BTBD8: variants seen among roughly 807,000 people sequenced by gnomAD.
The protein encoded by BTBD8 is BTB/POZ domain-containing protein 8.
Under a neutral mutation model 162.9 loss-of-function variants are expected in BTBD8, and 110 were observed. The observed-to-expected ratio is 0.68, with a 90% confidence interval of 0.58 to 0.79. The LOEUF is 0.79. Among genes scored for constraint, BTBD8 ranks in the 30% least tolerant of loss-of-function variants. The probability of loss-of-function intolerance (pLI) is 0.00; values close to 1 mark genes in which losing one functional copy is unlikely to be tolerated. For synonymous variants in BTBD8, 667 were observed against 716.1 expected (o/e 0.93, Z 1.10); for missense variants, 1,905 against 2,085.4 (o/e 0.91, Z 1.68).
intron 5 of BTBD8, among the ~76,000 whole-genome samples, chr1:92,130,030 C>T (rs1054927609): frequency 8.5e-5 from 13 of 152,146 alleles, no homozygotes; most frequent in Admixed American, 2.6e-4. Context: ...TATTTTCTCA[C>T]GGTTCTGGAA....
intron 6 of BTBD8, among the ~76,000 whole-genome samples, chr1:92,140,108 CAAA>C (rs66840540): frequency 1.3e-4 from 14 of 109,364 alleles, no homozygotes; most frequent in Admixed American, 3.8e-4. Context: ...GACTCTGTCT[CAAA>C]AAAAAAAAAA....
At position 92,181,666 on chromosome 1, in the gene BTBD8, A is replaced by G. The variant is rs560389; in HGVS notation, c.3983A>G (p.Asn1328Ser). Residue 1328 changes from asparagine to serine, a missense_variant, in exon 17 of 18, where the codon AAT becomes AGT. Around this residue, in one of 3 missense-constraint regions of BTBD8, gnomAD observed 517 missense variants for 606.6 expected, o/e 0.85. Transcript: ENST00000636805. ...RIEVKMKKQS[N>S]NDLFQVNSTS... The stretch of plus-strand genomic sequence containing the variant: ...GAAGTAAAAATGAAAAAGCAAAGTA[A>G]TAATGATCTTTTCCAAGTTAATTCA... 1,070,336 of 1,550,854 alleles carry G rather than the reference A, an allele frequency of 0.69. 374,717 individuals are homozygous for G. Among genetic ancestry groups the G allele is most frequent in the East Asian group, 0.96 (39,393 of 40,906 alleles).
chr1:92,127,027 T>TG (rs1649377352), intron 4 of BTBD8, among the ~76,000 whole-genome samples: 1 of 152,198 alleles, frequency 6.6e-6, no homozygotes. Context: ...TCAGTGGGTA[T>TG]GATAAGTTTA....
chr1:92,148,341 T>G (rs569823491), intron 9 of BTBD8, among the ~76,000 whole-genome samples: 1 of 152,310 alleles, frequency 6.6e-6, no homozygotes, highest in South Asian at 2.1e-4. Flanking sequence ...CCACACAGCA[T>G]CACTTCTGAA....
chr1:92,081,986 A>G (rs1208141087), intron 1 of BTBD8, among the ~76,000 whole-genome samples: 2 of 152,220 alleles, frequency 1.3e-5, no homozygotes, highest in Non-Finnish European at 2.9e-5. Flanking sequence ...ATTTGGGACT[A>G]TCTACTGGGG....
At chr1:92,169,045 A>G (rs1557463201) in intron 12 of BTBD8, 50 bp downstream of exon 12, 2 of 1,445,194 alleles carry the variant, frequency 1.4e-6, no homozygotes, top group South Asian at 1.4e-5. Flanking sequence ...TCATTGTGAC[A>G]GCAGATATTT....
rs772168565 is a variant in BTBD8 at position 92,177,288 on chromosome 1, A to T, written c.2095A>T (p.Asn699Tyr). The change falls in exon 14 of 18, where the codon AAC (asparagine) becomes TAC (tyrosine). Residue 699 changes from asparagine to tyrosine, a missense_variant. Asn to Tyr is a moderately radical substitution (Grantham distance 143). Transcript: ENST00000636805. ...SGARPKVLTG[N>Y]LNVQAKAKPL... is the part of the protein sequence containing the mutation. The stretch of plus-strand genomic sequence containing the variant: ...TGCCAGACCCAAGGTACTCACAGGA[A>T]ACTTAAATGTGCAAGCCAAAGCAAA... 8.4e-6 allele frequency: 13 copies of T among 1,551,976 alleles called. No individual in the cohort carries two copies. The highest frequency in any genetic ancestry group is 1.0e-5 in the Non-Finnish European group (12 of 1,147,098).
Position 92,080,351 on chromosome 1 carries a change from G to T in BTBD8, c.-221G>T. On this transcript the variant is annotated 5_prime_UTR_variant, in exon 1 of 18. Transcript: ENST00000636805. ...GAGTACGCCTGCGCACGCTCTTCCT[G>T]GGTCAAGAGCCGGCTCGGTTCTGGG... 1 of 608,498 alleles carries T rather than the reference G, an allele frequency of 1.6e-6. No homozygotes were observed. Among genetic ancestry groups the T allele is most frequent in the Non-Finnish European group, 2.7e-6 (1 of 369,308 alleles). 37.7% of individuals were successfully genotyped at this position (608,498 alleles called of 1,614,324 possible). A position where few individuals can be genotyped will look rare whatever the true frequency, so the allele number is the denominator to read the frequency against.
At position 92,177,038 on chromosome 1, in the gene BTBD8, A is replaced by G. The variant is rs186114233; in HGVS notation, c.1845A>G (p.Ile615Met). The G allele has an allele frequency of 6.7e-4, 1,038 of 1,549,858 alleles. No homozygotes were observed. The highest frequency in any genetic ancestry group is 2.8e-3 in the Admixed American group (142 of 50,568). The change falls in exon 14 of 18, where the codon ATA becomes ATG. Residue 615 changes from isoleucine to methionine, a missense_variant. This residue lies in a region of BTBD8 where 1,374 missense variants were observed against 1,442.7 expected (regional missense o/e 0.95). Transcript: ENST00000636805. ...DDVKEKDGTK[I>M]ASKITKELKT... The stretch of plus-strand genomic sequence containing the variant: ...TAAAGGAAAAAGATGGTACAAAAAT[A>G]GCATCTAAGATTACAAAAGAACTAA...
At chr1:92,120,467 A>G (rs1210121957) in intron 4 of BTBD8, among the ~76,000 whole-genome samples, 5 of 152,148 alleles carry the variant, frequency 3.3e-5, no homozygotes, top group African/African-American at 1.2e-4. Flanking sequence ...AAGTAGGAGT[A>G]CTCTAAAATA....
intron 1 of BTBD8, 70 bp downstream of exon 1, chr1:92,080,790 T>C: frequency 9.7e-6 from 15 of 1,538,614 alleles, no homozygotes; most frequent in Non-Finnish European, 1.3e-5. Context: ...AGCTGAGGCT[T>C]CTTTCGGCTC....
chr1:92,178,984 G>A (rs901670898), intron 16 of BTBD8, among the ~76,000 whole-genome samples: 10 of 152,112 alleles, frequency 6.6e-5, no homozygotes, highest in South Asian at 4.1e-4. Flanking sequence ...GGTGGCTCAC[G>A]CCTGTAATCC....
chr1:92,119,845 G>T (rs1264005226), intron 4 of BTBD8, among the ~76,000 whole-genome samples: 1 of 138,756 alleles, frequency 7.2e-6, no homozygotes, highest in African/African-American at 2.7e-5. Context: ...CCGACTTCAT[G>T]ATCTGCCCGA....
chr1:92,138,992 CTTTAA>C (rs1649702040), intron 5 of BTBD8, among the ~76,000 whole-genome samples: 1 of 152,180 alleles, frequency 6.6e-6, no homozygotes, highest in Non-Finnish European at 1.5e-5. Flanking sequence ...ACATTTGAGT[CTTTAA>C]GCAAGACCAG....
At chr1:92,139,016 T>C (rs1275815830) in intron 5 of BTBD8, among the ~76,000 whole-genome samples, 2 of 152,224 alleles carry the variant, frequency 1.3e-5, no homozygotes, top group African/African-American at 4.8e-5. Flanking sequence ...AGAGGGCGTT[T>C]GTTGAAAATG....
At chr1:92,182,650 T>C in intron 17 of BTBD8, 55 bp downstream of exon 17, 1 of 1,192,630 alleles carries the variant, frequency 8.4e-7, no homozygotes, top group African/African-American at 1.6e-5. Flanking sequence ...TTATAAAATT[T>C]TAAAGTTGTA....
rs1471838325 is a variant in BTBD8 at position 92,167,048 on chromosome 1, A to C, written c.1213A>C (p.Met405Leu). The change falls in exon 10 of 18, where the codon ATG (methionine) becomes CTG (leucine). Residue 405 changes from methionine (M) to leucine (L), a missense_variant. Met to Leu is a conservative substitution (Grantham distance 15, BLOSUM62 2). This residue lies in a region of BTBD8 where 1,374 missense variants were observed against 1,442.7 expected (regional missense o/e 0.95). Coordinates refer to ENST00000636805, the MANE Select transcript of BTBD8 (RefSeq NM_001376131.1). ...GAAGTGGACGGAAGCAGCACTGACC[A>C]TGGCGTCTCAGCTTCAAGAAAAATG... Reference protein sequence around the residue: ...RVKWTEAALTMASQLQEKCIA... With the variant: ...RVKWTEAALTLASQLQEKCIA... 21 of 1,550,680 alleles carry C rather than the reference A, an allele frequency of 1.4e-5. No homozygotes were observed. In the Admixed American group the frequency reaches 2.0e-4, roughly 14 times the overall value.
intron 5 of BTBD8, among the ~76,000 whole-genome samples, chr1:92,136,897 C>T (rs922764616): frequency 6.6e-6 from 1 of 152,148 alleles, no homozygotes; most frequent in African/African-American, 2.4e-5. Context: ...CAGGGACTGG[C>T]TCATAAGTGC....
At chr1:92,114,411 T>C (rs1648982049) in intron 4 of BTBD8, among the ~76,000 whole-genome samples, 1 of 152,094 alleles carries the variant, frequency 6.6e-6, no homozygotes. Flanking sequence ...TACAAACATA[T>C]TGTTTTTATA....
Sources: allele counts gnomAD v4.1 joint callset (sites outside exome capture counted in the v4.1 genomes callset), GRCh38; gene constraint gnomAD v4.1.1; regional missense constraint gnomAD v4.1.1; transcripts MANE v1.5; gene names NCBI Gene and HGNC (gene_info 2026-07-23, HGNC 2026-07-21).